The following ESCO2 variants were observed in gnomAD, a reference collection of about 807,000 sequenced individuals.
ESCO2 encodes the protein establishment of sister chromatid cohesion N-acetyltransferase 2.
A neutral mutation model predicts 61.7 loss-of-function variants in ESCO2; 51 were observed. The ratio of observed to expected loss-of-function variants is 0.83; its 90% CI spans 0.66 to 1.04. The LOEUF is 1.04. Ranked by LOEUF, ESCO2 falls within the 50% of genes least tolerant of loss-of-function variation. The probability of loss-of-function intolerance (pLI) is 0.00; values close to 1 mark genes in which losing one functional copy is unlikely to be tolerated. For missense variants in ESCO2, 692 were observed against 686.2 expected (o/e 1.01, Z -0.09); for synonymous variants, 230 against 238.2 (o/e 0.97, Z 0.32).
downstream of ESCO2, among the ~76,000 whole-genome samples, chr8:27,816,146 A>T (rs1340637941): frequency 3.3e-5 from 5 of 151,934 alleles, no homozygotes; most frequent in African/African-American, 1.2e-4. Context: ...TGTGTTTATA[A>T]TTCCTTGTAT....
chr8:27,773,065 G>T (rs532176858), upstream of ESCO2, among the ~76,000 whole-genome samples: 32 of 152,238 alleles, frequency 2.1e-4, no homozygotes, highest in African/African-American at 6.7e-4. Flanking sequence ...TTCATGTAAA[G>T]CTCCTACAGC....
At chr8:27,788,318 A>G (rs1189995806) in intron 6 of ESCO2, among the ~76,000 whole-genome samples, 1 of 152,198 alleles carries the variant, frequency 6.6e-6, no homozygotes, top group Non-Finnish European at 1.5e-5. Flanking sequence ...CCTGTTTGAA[A>G]TAAGGCTTTT....
At chr8:27,798,401 A>T (rs1179351879) in intron 9 of ESCO2, among the ~76,000 whole-genome samples, 1 of 152,124 alleles carries the variant, frequency 6.6e-6, no homozygotes. Flanking sequence ...TGGAGGTTGC[A>T]GTGAGCGAGA....
downstream of ESCO2, chr8:27,810,627 G>A (rs1805658883): frequency 1.6e-6 from 1 of 620,368 alleles, no homozygotes; most frequent in Admixed American, 3.0e-5. Context: ...GCCACAGACA[G>A]AATGGAAATG....
rs1313904377 is a variant in ESCO2 at position 27,776,586 on chromosome 8, A to G, written c.278A>G (p.Tyr93Cys). ...TVSFYNQNKW[Y>C]LNPLERKLIK... ...TCTTTTTACAACCAAAATAAGTGGT[A>G]CCTCAATCCACTGGAGAGAAAGCTG... Residue 93 changes from tyrosine (Y) to cysteine (C), a missense_variant, in exon 3 of 11, where the codon TAC (tyrosine) becomes TGC (cysteine). Transcript: ENST00000305188. 1 of 1,614,158 alleles carries G rather than the reference A, an allele frequency of 6.2e-7. No individual in the cohort carries two copies. The highest frequency in any genetic ancestry group is 8.5e-7 in the Non-Finnish European group (1 of 1,179,996).
chr8:27,803,532 A>T lies in ESCO2; in HGVS notation c.*94A>T. On this transcript the variant is annotated 3_prime_UTR_variant, in exon 11 of 11. Transcript: ENST00000305188. The stretch of plus-strand genomic sequence containing the variant: ...ACTATTTAATATCAAAATAAAAAAT[A>T]CCGAGACTCACACTCATACACACAC... 1 of 1,520,336 alleles carries T rather than the reference A, an allele frequency of 6.6e-7. No individual in the cohort carries two copies. The highest frequency in any genetic ancestry group is 8.8e-7 in the Non-Finnish European group (1 of 1,140,924). 94.2% of individuals were successfully genotyped at this position (1,520,336 alleles called of 1,614,324 possible). A position where few individuals can be genotyped will look rare whatever the true frequency, so the allele number is the denominator to read the frequency against.
intron 3 of ESCO2, chr8:27,779,436 C>T (rs1804873687): frequency 6.6e-6 from 1 of 152,148 alleles, no homozygotes; most frequent in South Asian, 2.1e-4. Context: ...TTTGCTTTTC[C>T]CACATTCCTG....
chr8:27,798,107 T>C (rs1265517596), intron 9 of ESCO2, among the ~76,000 whole-genome samples: 4 of 152,186 alleles, frequency 2.6e-5, no homozygotes, highest in African/African-American at 7.2e-5. Context: ...TCTCACACCT[T>C]GTTAGTAGGA....
downstream of ESCO2, among the ~76,000 whole-genome samples, chr8:27,806,684 A>G (rs1467318671): frequency 2.0e-5 from 3 of 147,872 alleles, no homozygotes; most frequent in South Asian, 6.3e-4. Flanking sequence ...CATTGGCACT[A>G]TCTTGGCTCA....
intron 5 of ESCO2, among the ~76,000 whole-genome samples, chr8:27,784,678 C>G (rs1804998568): frequency 6.6e-6 from 1 of 152,120 alleles, no homozygotes; most frequent in South Asian, 2.1e-4. Flanking sequence ...CTAAAGACTG[C>G]AATGGAGGAG....
downstream of ESCO2, among the ~76,000 whole-genome samples, chr8:27,816,355 A>ATATATATATATATATATATT (rs1024094999): frequency 7.1e-6 from 1 of 140,944 alleles, no homozygotes; most frequent in African/African-American, 2.7e-5. Context: ...ATATATATAT[A>ATATATATATATATATATATT]TATTTATTTA....
chr8:27,773,439 G>C (rs2128950081), upstream of ESCO2, among the ~76,000 whole-genome samples: 1 of 149,790 alleles, frequency 6.7e-6, no homozygotes, highest in Non-Finnish European at 1.5e-5. Context: ...AGGCCAGACA[G>C]AGCTCATATC....
At chr8:27,778,332 T>G (rs1218193260) in intron 3 of ESCO2, 1 of 152,224 alleles carries the variant, frequency 6.6e-6, no homozygotes, top group African/African-American at 2.4e-5. Flanking sequence ...TTGTTTTTTT[T>G]CCTGTTTATC....
intron 5 of ESCO2, among the ~76,000 whole-genome samples, chr8:27,786,771 G>A (rs1256258440): frequency 1.4e-5 from 2 of 147,692 alleles, no homozygotes; most frequent in East Asian, 3.9e-4. Flanking sequence ...ATGCAGTGGA[G>A]CTAATGCTCC....
chr8:27,780,317 C>A, intron 4 of ESCO2, 50 bp downstream of exon 4: 1 of 1,119,272 alleles, frequency 8.9e-7, no homozygotes, highest in South Asian at 1.3e-5. Flanking sequence ...TGCTTTATTA[C>A]ATACATTATA....
chr8:27,811,214 G>T, downstream of ESCO2: 7 of 1,192,188 alleles, frequency 5.9e-6, no homozygotes, highest in Non-Finnish European at 8.7e-6. Context: ...ACAGGCGAAC[G>T]ATTTGAACAA....
chr8:27,810,267 A>G (rs1352707131), downstream of ESCO2: 2 of 1,371,352 alleles, frequency 1.5e-6, no homozygotes, highest in Non-Finnish European at 1.0e-6. Context: ...TGGAATAAAC[A>G]GTTATTTACG....
chr8:27,803,741 T>C lies in ESCO2; in HGVS notation c.*303T>C, dbSNP rs1805506225. The C allele has an allele frequency of 8.8e-7, 1 of 1,137,778 alleles. No homozygotes were observed. The highest frequency in any genetic ancestry group is 1.1e-6 in the Non-Finnish European group (1 of 926,236). 70.5% of individuals were successfully genotyped at this position (1,137,778 alleles called of 1,614,324 possible). A position where few individuals can be genotyped will look rare whatever the true frequency, so the allele number is the denominator to read the frequency against. ...AACTGGAAAATTACCTGACTCTTTG[T>C]AAGAGTATTAAATACAAAGTGATTT... is the stretch of plus-strand genomic sequence containing the variant. On this transcript the variant is annotated 3_prime_UTR_variant, in exon 11 of 11. Transcript: ENST00000305188.
chr8:27,802,633 AT>A (rs1563482354), intron 10 of ESCO2, among the ~76,000 whole-genome samples: 844 of 53,794 alleles, frequency 0.016, 13 homozygotes, highest in African/African-American at 0.029. Context: ...AAAAAAAAAT[AT>A]ATATATATAT....
Sources: allele counts gnomAD v4.1 joint callset (sites outside exome capture counted in the v4.1 genomes callset), GRCh38; gene constraint gnomAD v4.1.1; transcripts MANE v1.5; gene names NCBI Gene and HGNC (gene_info 2026-07-23, HGNC 2026-07-21).